MLLT10: variants seen among roughly 807,000 people sequenced by gnomAD.
MLLT10 encodes MLLT10 histone lysine methyltransferase DOT1L cofactor, also known as protein AF-10.
Under a neutral mutation model 129.1 loss-of-function variants are expected in MLLT10, and 30 were observed. That is an observed-to-expected ratio of 0.23 (90% CI 0.17 to 0.32). MLLT10 has a LOEUF of 0.32. Among genes scored for constraint, MLLT10 ranks in the 10% least tolerant of loss-of-function variants. MLLT10 has a pLI of 1.00. For missense variants in MLLT10, 1,119 were observed against 1,268.3 expected, an observed-to-expected ratio of 0.88 and a Z score of 1.79; for synonymous variants, 490 against 446.4, an observed-to-expected ratio of 1.10 and a Z score of -1.23.
chr10:21,625,306 A>T, intron 8 of MLLT10: 1 of 813,244 alleles, frequency 1.2e-6, no homozygotes, highest in Admixed American at 1.9e-5. Context: ...TAGCCATAAC[A>T]GCTGCTCGTC....
chr10:21,593,815 T>C (rs1376291569), intron 4 of MLLT10, among the ~76,000 whole-genome samples: 1 of 150,486 alleles, frequency 6.6e-6, no homozygotes, highest in Non-Finnish European at 1.5e-5. Flanking sequence ...TAATCCCAGC[T>C]ACTTGGGAGG....
At chr10:21,570,974 G>A (rs1048519036) in intron 3 of MLLT10, among the ~76,000 whole-genome samples, 15 of 152,086 alleles carry the variant, frequency 9.9e-5, no homozygotes, top group Non-Finnish European at 1.8e-4. Flanking sequence ...ACTTTGTTCT[G>A]TGGCATTATT....
intron 13 of MLLT10, among the ~76,000 whole-genome samples, chr10:21,694,089 GT>G (rs2131446211): frequency 6.6e-6 from 1 of 152,310 alleles, no homozygotes; most frequent in South Asian, 2.1e-4. Flanking sequence ...TGCAAGTATA[GT>G]AGAGAGAACT....
At chr10:21,738,393 C>T (rs1287888713) in intron 21 of MLLT10, 1 of 1,286,780 alleles carries the variant, frequency 7.8e-7, no homozygotes, top group South Asian at 1.2e-5. Flanking sequence ...CAAGATTTTA[C>T]TCTAATAATA....
chr10:21,727,756 T>A, intron 15 of MLLT10, 100 bp from the exon 16 acceptor site: 1 of 831,546 alleles, frequency 1.2e-6, no homozygotes, highest in Non-Finnish European at 2.0e-6. Flanking sequence ...AAGATAGTGG[T>A]AAAGGTTTAA....
chr10:21,709,585 A>G (rs1000584860), intron 13 of MLLT10, among the ~76,000 whole-genome samples: 32 of 152,212 alleles, frequency 2.1e-4, no homozygotes, highest in African/African-American at 5.5e-4. Flanking sequence ...TAGAAACTCA[A>G]TATTTGTTGA....
intron 22 of MLLT10, among the ~76,000 whole-genome samples, chr10:21,741,475 A>G (rs1833614055): frequency 6.6e-6 from 1 of 152,212 alleles, no homozygotes; most frequent in South Asian, 2.1e-4. Context: ...TGTCCTTGCA[A>G]GATACAGTGA....
intron 10 of MLLT10, among the ~76,000 whole-genome samples, chr10:21,672,168 AGTGTGTGTGTGTGT>A (rs55769872): frequency 2.5e-4 from 33 of 134,374 alleles, no homozygotes; most frequent in South Asian, 5.1e-4. Context: ...CCAGGTTTTC[AGTGTGTGTGTGTGT>A]GTGTGTGTGT....
At position 21,729,586 on chromosome 10, in the gene MLLT10, G is replaced by A. The variant is rs115244530; in HGVS notation, c.2064-1314G>A. ...GAGACGCATATTAAGGCAGTGTCAAGAACACTAGTGGGTTGTTAGAAGACC... is the reference window on the plus strand; with the variant it reads ...GAGACGCATATTAAGGCAGTGTCAAAAACACTAGTGGGTTGTTAGAAGACC... On this transcript the variant is annotated intron_variant, in intron 16 of 22. Transcript: ENST00000307729. 5.7e-3 allele frequency among the ~76,000 whole-genome samples: 861 copies of A among 152,296 alleles called. 6 individuals carry two copies. The highest frequency in any genetic ancestry group is 0.019 in the African/African-American group (805 of 41,570).
chr10:21,642,386 G>C (rs140258420), intron 8 of MLLT10, among the ~76,000 whole-genome samples: 2,823 of 151,634 alleles, frequency 0.019, 81 homozygotes, highest in African/African-American at 0.064. Flanking sequence ...GCCGGGCGCG[G>C]TGGCTCATGC....
At chr10:21,589,808 C>T (rs763526608) in intron 4 of MLLT10, among the ~76,000 whole-genome samples, 12 of 152,142 alleles carry the variant, frequency 7.9e-5, no homozygotes, top group Non-Finnish European at 1.0e-4. Flanking sequence ...TATAGAACTT[C>T]GTGAGAAACT....
rs1025790829 is a variant in MLLT10, at chr10:21,739,902, A to T, written c.2956-128A>T. 3 of 722,670 alleles carry T rather than the reference A, an allele frequency of 4.2e-6. No individual in the cohort carries two copies. In the East Asian group the frequency reaches 8.1e-5, roughly 20 times the overall value. The allele number at this position is 722,670 out of a possible 1,614,324, so 44.8% of individuals were successfully genotyped here. On this transcript the variant is annotated intron_variant, in intron 21 of 22. Coordinates refer to ENST00000307729, the MANE Select transcript of MLLT10 (RefSeq NM_001195626.3). ...ATTATCTAGTGCAGCATATTTTTCT[A>T]GATGAGATACTTGTTTTCTTTCTTT...
chr10:21,562,093 A>T (rs553854248), intron 3 of MLLT10, among the ~76,000 whole-genome samples: 1 of 152,298 alleles, frequency 6.6e-6, no homozygotes, highest in African/African-American at 2.4e-5. Flanking sequence ...GGCGTGAGCC[A>T]CTGTGCTTGG....
At chr10:21,701,086 A>AT (rs923069732) in intron 13 of MLLT10, among the ~76,000 whole-genome samples, 1 of 151,678 alleles carries the variant, frequency 6.6e-6, no homozygotes, top group Non-Finnish European at 1.5e-5. Flanking sequence ...GAATTCATCA[A>AT]TTTTCTCTAG....
intron 22 of MLLT10, among the ~76,000 whole-genome samples, chr10:21,741,071 T>TTA (rs2058792041): frequency 6.6e-6 from 1 of 152,216 alleles, no homozygotes; most frequent in African/African-American, 2.4e-5. Flanking sequence ...TACTGTGCTT[T>TTA]TAGTCTTCAG....
intron 13 of MLLT10, among the ~76,000 whole-genome samples, chr10:21,693,437 A>C (rs908963218): frequency 2.6e-5 from 4 of 151,338 alleles, no homozygotes; most frequent in Non-Finnish European, 5.9e-5. Flanking sequence ...TTATGTTTTC[A>C]TCAATCGTGC....
intron 5 of MLLT10, among the ~76,000 whole-genome samples, chr10:21,600,058 A>G (rs2043374443): frequency 6.6e-6 from 1 of 152,208 alleles, no homozygotes; most frequent in African/African-American, 2.4e-5. Flanking sequence ...TGAATAATCT[A>G]TGTTTTCCAT....
chr10:21,614,975 T>C (rs376282970), intron 7 of MLLT10, 51 bp downstream of exon 7: 165 of 1,408,852 alleles, frequency 1.2e-4, no homozygotes, highest in Middle Eastern at 7.2e-4. Context: ...GTTTTGACAA[T>C]AGAATGACAC....
chr10:21,655,353 C>T (rs1475330947), intron 9 of MLLT10, among the ~76,000 whole-genome samples: 1 of 152,114 alleles, frequency 6.6e-6, no homozygotes, highest in African/African-American at 2.4e-5. Flanking sequence ...GTTTTGTAGG[C>T]CATACTGGCT....
Sources: allele counts gnomAD v4.1 joint callset (sites outside exome capture counted in the v4.1 genomes callset), GRCh38; gene constraint gnomAD v4.1.1; transcripts MANE v1.5; gene names NCBI Gene and HGNC (gene_info 2026-07-23, HGNC 2026-07-21).